Variants in PRMT3 observed in about 807,000 individuals in gnomAD.
The protein encoded by PRMT3 is protein arginine N-methyltransferase 3.
A neutral mutation model predicts 71.9 loss-of-function variants in PRMT3; 62 were observed. That is an observed-to-expected ratio of 0.86 (90% CI 0.70 to 1.07). PRMT3 has a LOEUF of 1.07. PRMT3 is among the 50% of genes least tolerant of loss of function. PRMT3 has a pLI of 0.00. For missense variants in PRMT3, 663 were observed against 643.0 expected (o/e 1.03, Z -0.34); for synonymous variants, 213 against 220.4 (o/e 0.97, Z 0.30).
intron 3 of PRMT3, among the ~76,000 whole-genome samples, chr11:20,391,871 T>G (rs1592329911): frequency 6.6e-6 from 1 of 151,620 alleles, no homozygotes; most frequent in Non-Finnish European, 1.5e-5. Flanking sequence ...ATTTAATACT[T>G]TCAGCTCTGA....
At chr11:20,426,369 A>C (rs1026401243) in intron 9 of PRMT3, among the ~76,000 whole-genome samples, 1 of 152,184 alleles carries the variant, frequency 6.6e-6, no homozygotes. Context: ...GGGTTAAATT[A>C]TGGGCTTGGG....
At chr11:20,414,074 A>G (rs1487887851) in intron 9 of PRMT3, among the ~76,000 whole-genome samples, 1 of 152,108 alleles carries the variant, frequency 6.6e-6, no homozygotes, top group East Asian at 1.9e-4. Context: ...TTATGTTTAA[A>G]ATAATTTTTG....
At chr11:20,443,614 C>T (rs1849958192) in intron 10 of PRMT3, among the ~76,000 whole-genome samples, 1 of 152,160 alleles carries the variant, frequency 6.6e-6, no homozygotes, top group South Asian at 2.1e-4. Flanking sequence ...GAATTTTTTT[C>T]ACCCACCATG....
intron 13 of PRMT3, among the ~76,000 whole-genome samples, chr11:20,475,709 A>G (rs1850766087): frequency 6.9e-6 from 1 of 144,506 alleles, no homozygotes; most frequent in African/African-American, 2.6e-5. Flanking sequence ...GCTGGAGTGC[A>G]GAGGTGCGAT....
intron 9 of PRMT3, among the ~76,000 whole-genome samples, chr11:20,413,803 T>C (rs1333999710): frequency 1.3e-5 from 2 of 152,154 alleles, no homozygotes; most frequent in African/African-American, 4.8e-5. Context: ...TTAACTTCTC[T>C]GATACTTGTC....
intron 10 of PRMT3, among the ~76,000 whole-genome samples, chr11:20,444,063 T>C (rs1399153131): frequency 6.6e-6 from 1 of 152,156 alleles, no homozygotes; most frequent in Non-Finnish European, 1.5e-5. Flanking sequence ...AGTTAAATAA[T>C]AGGTAAATTA....
chr11:20,402,319 A>G (rs956446300), intron 7 of PRMT3, among the ~76,000 whole-genome samples: 5 of 152,090 alleles, frequency 3.3e-5, no homozygotes, highest in African/African-American at 4.8e-5. Flanking sequence ...GGGTTACTCC[A>G]TGTTGGTCAG....
intron 11 of PRMT3, among the ~76,000 whole-genome samples, chr11:20,454,787 C>T (rs887666317): frequency 6.6e-6 from 1 of 151,888 alleles, no homozygotes; most frequent in East Asian, 1.9e-4. Flanking sequence ...ATATTGAAGG[C>T]CCATACAAAC....
At chr11:20,500,333 G>A (rs904625291) in intron 15 of PRMT3, among the ~76,000 whole-genome samples, 2 of 152,274 alleles carry the variant, frequency 1.3e-5, no homozygotes, top group Admixed American at 6.5e-5. Flanking sequence ...CTTCATAGAA[G>A]AATTTCCTTT....
chr11:20,420,540 G>A (rs913140003), intron 9 of PRMT3, among the ~76,000 whole-genome samples: 2 of 152,110 alleles, frequency 1.3e-5, no homozygotes, highest in African/African-American at 2.4e-5. Context: ...ACATTTTCAC[G>A]GATTGCAGGC....
chr11:20,410,447 C>T (rs974419787), intron 9 of PRMT3, among the ~76,000 whole-genome samples: 2 of 151,156 alleles, frequency 1.3e-5, no homozygotes, highest in Non-Finnish European at 3.0e-5. Context: ...TGATGAGCTC[C>T]CAGCGGAAAC....
At chr11:20,493,704 C>T (rs1347588718) in intron 13 of PRMT3, among the ~76,000 whole-genome samples, 1 of 152,166 alleles carries the variant, frequency 6.6e-6, no homozygotes, top group Non-Finnish European at 1.5e-5. Flanking sequence ...ATTTGATTAG[C>T]CTTATTACCT....
intron 10 of PRMT3, among the ~76,000 whole-genome samples, chr11:20,439,033 G>C (rs764700264): frequency 6.6e-6 from 1 of 152,170 alleles, no homozygotes; most frequent in Non-Finnish European, 1.5e-5. Flanking sequence ...CAGCAGCTTA[G>C]CCTTAGAGAT....
intron 15 of PRMT3, 150 bp from the exon 16 acceptor site, chr11:20,508,154 A>T: frequency 3.1e-6 from 1 of 318,542 alleles, no homozygotes; most frequent in Non-Finnish European, 5.8e-6. Context: ...CATCTTAAAA[A>T]AAAAAAAAAA....
At chr11:20,447,223 T>C (rs1850050320) in intron 10 of PRMT3, among the ~76,000 whole-genome samples, 1 of 152,064 alleles carries the variant, frequency 6.6e-6, no homozygotes. Context: ...GCATTTTGGA[T>C]ACCTCTAGAA....
At chr11:20,466,187 C>A (rs1356975884) in intron 13 of PRMT3, among the ~76,000 whole-genome samples, 1 of 152,096 alleles carries the variant, frequency 6.6e-6, no homozygotes. Flanking sequence ...GAATTTAAAT[C>A]GGTTGGTTTA....
Position 20,493,977 on chromosome 11 carries a change from T to A in PRMT3, c.1398+8T>A. 6.4e-7 allele frequency: 1 copy of A among 1,564,772 alleles called. No individual in the cohort carries two copies. The highest frequency in any genetic ancestry group is 8.8e-7 in the Non-Finnish European group (1 of 1,140,594). On this transcript the variant is annotated splice_region_variant and intron_variant, in intron 14 of 15. Transcript: ENST00000331079. The stretch of plus-strand genomic sequence containing the variant: ...AAGAATTGCCACAACAGGGTAAGTA[T>A]CATGAATTATCTCATAAGAATTAAT...
chr11:20,392,853 G>C (rs1282490945), intron 4 of PRMT3, 44 bp from the exon 5 acceptor site: 1 of 1,234,992 alleles, frequency 8.1e-7, no homozygotes, highest in Non-Finnish European at 1.2e-6. Context: ...GGGATTTTGT[G>C]ATTATATGTA....
At chr11:20,438,447 G>T (rs1849811448) in intron 10 of PRMT3, among the ~76,000 whole-genome samples, 1 of 152,118 alleles carries the variant, frequency 6.6e-6, no homozygotes, top group African/African-American at 2.4e-5. Flanking sequence ...GCACAGTGAT[G>T]ACTCTACTTC....
Sources: gnomAD v4.1 joint callset for allele counts (sites outside exome capture counted in the v4.1 genomes callset) on GRCh38, gnomAD v4.1.1 for gene constraint, MANE v1.5 for transcripts, NCBI Gene and HGNC (gene_info 2026-07-23, HGNC 2026-07-21) for gene names.